CCDC17: variants seen among roughly 807,000 people sequenced by gnomAD.
The protein encoded by CCDC17 is coiled-coil domain containing 17.
CCDC17 carries 79 observed loss-of-function variants against 68.0 expected under a neutral mutation model. The observed-to-expected ratio is 1.16, with a 90% CI of 0.97 to 1.40. CCDC17 has a LOEUF of 1.40. Ranked by LOEUF, CCDC17 falls within the 40% of genes most tolerant of loss-of-function variation. The probability of loss-of-function intolerance (pLI) is 0.00; values close to 1 mark genes in which losing one functional copy is unlikely to be tolerated. For missense variants in CCDC17, 846 were observed against 811.5 expected (o/e 1.04, Z -0.52); for synonymous variants, 376 against 337.5 (o/e 1.11, Z -1.25).
chr1:45,622,148 A>G (rs1644287141), intron 7 of CCDC17, 93 bp downstream of exon 7: 1 of 1,340,868 alleles, frequency 7.5e-7, no homozygotes, highest in Non-Finnish European at 1.0e-6. Flanking sequence ...GGGAGTCACA[A>G]ACACGGGTCT....
Position 45,620,968 on chromosome 1 carries a change from G to C in CCDC17, c.1534C>G (p.Leu512Val). 6.2e-7 allele frequency: 1 copy of C among 1,613,826 alleles called. No homozygotes were observed. Among genetic ancestry groups the C allele is most frequent in the Middle Eastern group, 1.6e-4 (1 of 6,062 alleles). The change falls in exon 11 of 13, where the codon CTC (leucine) becomes GTC (valine). Residue 512 changes from leucine to valine, a missense_variant. Physicochemically the swap from Leu to Val is conservative, Grantham distance 32 (BLOSUM62 1). Coordinates refer to ENST00000528266, the MANE Select transcript of CCDC17 (RefSeq NM_001114938.3). ...DQRVLSGRWR[L>V]PLRALPLDPS... Reference sequence around the variant, plus strand: ...TCCAGAGGAAGGGCCCGAAGTGGGAGGCGCCAGCGGCCACTTAGCACCCGC... The same window carrying C: ...TCCAGAGGAAGGGCCCGAAGTGGGACGCGCCAGCGGCCACTTAGCACCCGC...
chr1:45,620,322 C>G lies in CCDC17; in HGVS notation c.1822G>C (p.Gly608Arg). The change falls in exon 13 of 13, where the codon GGT becomes CGT. Residue 608 changes from glycine (G) to arginine (R), a missense_variant. Transcript: ENST00000528266. ...TCAGAACTGTGGTGAGGGCCCAAAC[C>G]CTCATCTCTATCCTTGACTCCACTG... The part of the protein sequence containing the change: ...PLSGVKDRDE[G>R]LGPHHSSDLP... 6.2e-7 allele frequency: 1 copy of G among 1,609,782 alleles called. No homozygotes were observed.
chr1:45,623,921 C>T lies in CCDC17; in HGVS notation c.-12G>A, dbSNP rs1275887662. 3.4e-6 allele frequency: 5 copies of T among 1,487,810 alleles called. No homozygotes were observed. The Admixed American group carries it at 7.5e-5, about 22-fold the overall frequency. 92.2% of individuals were successfully genotyped at this position (1,487,810 alleles called of 1,614,324 possible). On this transcript the variant is annotated 5_prime_UTR_variant, in exon 1 of 13. Transcript: ENST00000528266. ...GAGTGGGAGTCCATGGGATGGGACC[C>T]GTTTCCTGAAACCAGCCAAGACCTG... is the stretch of plus-strand genomic sequence containing the variant.
rs1463362763 is a variant in CCDC17, at chr1:45,621,229, G to A, written c.1388+52C>T. 3.9e-6 allele frequency: 6 copies of A among 1,542,610 alleles called. No individual in the cohort carries two copies. The African/African-American group carries it at 8.2e-5, about 21-fold the overall frequency. On this transcript the variant is annotated intron_variant, in intron 10 of 12. Transcript: ENST00000528266. ...GATGAGAAAACTTAGCAGAATGGTGGATAAGCCTCAACTGTGGCAGAGTAC... is the reference window on the plus strand; with the variant it reads ...GATGAGAAAACTTAGCAGAATGGTGAATAAGCCTCAACTGTGGCAGAGTAC...
At position 45,621,196 on chromosome 1, in the gene CCDC17, T is replaced by C. The variant is rs184559988; in HGVS notation, c.1389-83A>G. 276 of 1,550,888 alleles carry C rather than the reference T, an allele frequency of 1.8e-4. 3 individuals are homozygous for C. The East Asian group carries it at 5.8e-3, about 33-fold the overall frequency. Reference sequence around the variant, plus strand: ...TTAGCCCTTTAGAGCCAGCGGCCTCTGTATACAGATGAGAAAACTTAGCAG... The same window carrying C: ...TTAGCCCTTTAGAGCCAGCGGCCTCCGTATACAGATGAGAAAACTTAGCAG... On this transcript the variant is annotated intron_variant, in intron 10 of 12. Transcript: ENST00000528266.
chr1:45,622,705 CT>C lies in CCDC17; in HGVS notation c.741-39del, dbSNP rs1272038228. 4 of 1,557,726 alleles carry C rather than the reference CT, an allele frequency of 2.6e-6. No individual in the cohort carries two copies. The Admixed American group carries it at 7.7e-5, about 30-fold the overall frequency. On this transcript the variant is annotated intron_variant, in intron 5 of 12. Transcript: ENST00000528266. ...GAACAGGAAGGCCGTCTTTCCAGAA[CT>C]GCTCAGCGCTTCGCCCTATGCCCAT... is the stretch of plus-strand genomic sequence containing the variant.
In CCDC17 at chr1:45,621,989, TG is replaced by T. The variant is rs1284738899; in HGVS notation, c.973del (p.Gln325ArgfsTer45). The T allele has an allele frequency of 2.5e-6, 4 of 1,605,542 alleles. No individual in the cohort carries two copies. The highest frequency in any genetic ancestry group is 2.7e-5 in the African/African-American group (2 of 74,736). Reference sequence around the variant, plus strand: ...GGCATCCCCCAGGAGTCGCAGATCCTGGGGCCCTAGGAGCAGAAGAGTTAGG... The same window carrying T: ...GGCATCCCCCAGGAGTCGCAGATCCTGGGCCCTAGGAGCAGAAGAGTTAGG... ...MQRGRAPLGP[Q>X]DLRLLGDASL... On this transcript the variant is annotated frameshift_variant, in exon 8 of 13. Coordinates refer to ENST00000528266, the MANE Select transcript of CCDC17 (RefSeq NM_001114938.3). LOFTEE classifies it high-confidence loss of function.
At position 45,623,287 on chromosome 1, in the gene CCDC17, C is replaced by G; in HGVS notation, c.423G>C (p.Leu141=). Residue 141 remains leucine (L), a synonymous_variant, in exon 3 of 13, where the codon CTG becomes CTC. Transcript: ENST00000528266. ...VGSPSERLRA[L]FRTRARRVAE... is the part of the protein sequence containing the mutation. ...CCACGCGCCTCGCGCGAGTCCTGAA[C>G]AGCGCCCGCAGCCGCTCGCTGGGGC... 1 of 1,548,540 alleles carries G rather than the reference C, an allele frequency of 6.5e-7. No homozygotes were observed. The highest frequency in any genetic ancestry group is 1.2e-5 in the South Asian group (1 of 84,024).
In CCDC17 at chr1:45,623,649, C is replaced by T. The variant is rs1644361153; in HGVS notation, c.178G>A (p.Val60Met). 2 of 1,551,618 alleles carry T rather than the reference C, an allele frequency of 1.3e-6. No homozygotes were observed. The highest frequency in any genetic ancestry group is 1.7e-6 in the Non-Finnish European group (2 of 1,147,000). The change falls in exon 2 of 13, where the codon GTG becomes ATG. Residue 60 changes from valine to methionine, a missense_variant. Val to Met is a conservative substitution (Grantham distance 21, BLOSUM62 1). Transcript: ENST00000528266. Reference protein sequence around the residue: ...VATEPQRAAVVPQEHQGVPQE... With the variant: ...VATEPQRAAVMPQEHQGVPQE... ...GGCACGCCCTGGTGTTCTTGTGGCACAACCTGGGGATAGGGTGTAGTAGGA... is the reference window on the plus strand; with the variant it reads ...GGCACGCCCTGGTGTTCTTGTGGCATAACCTGGGGATAGGGTGTAGTAGGA...
Position 45,621,919 on chromosome 1 carries a change from T to C in CCDC17, c.1044A>G (p.Pro348=), listed in dbSNP as rs771003058. The C allele has an allele frequency of 3.1e-6, 5 of 1,607,098 alleles. No homozygotes were observed. In the African/African-American group the frequency reaches 6.8e-5, roughly 22 times the overall value. Residue 348 remains proline (P), a synonymous_variant, in exon 8 of 13, where the codon CCA becomes CCG. Transcript: ENST00000528266. The part of the protein sequence containing the change: ...KGRRDPPLLP[P]PVAPPLPPLP... ...GTGGTGGCAGCGGTGGTGCCACCGG[T>C]GGCGGGAGGAGTGGGGGATCTCTCC...
Position 45,623,815 on chromosome 1 carries a change from C to G in CCDC17, c.95G>C (p.Arg32Pro). The stretch of plus-strand genomic sequence containing the variant: ...TTGGGTCGGGTGGCCAATGCAGAAG[C>G]GCTGAGTATGGGTGGCTAACAGAGC... ...SSALLATHTQ[R>P]FCIGHPTQEM... The change falls in exon 1 of 13, where the codon CGC becomes CCC. Residue 32 changes from arginine (R) to proline (P), a missense_variant. Arg to Pro is a moderately radical substitution (Grantham distance 103). Coordinates refer to ENST00000528266, the MANE Select transcript of CCDC17 (RefSeq NM_001114938.3). The G allele has an allele frequency of 6.4e-7, 1 of 1,551,616 alleles. No individual in the cohort carries two copies. The highest frequency in any genetic ancestry group is 1.2e-5 in the South Asian group (1 of 84,056).
chr1:45,620,758 G>T lies in CCDC17; in HGVS notation c.1675C>A (p.Pro559Thr). 6.2e-7 allele frequency: 1 copy of T among 1,609,974 alleles called. No individual in the cohort carries two copies. The highest frequency in any genetic ancestry group is 8.5e-7 in the Non-Finnish European group (1 of 1,178,116). The change falls in exon 12 of 13, where the codon CCA (proline) becomes ACA (threonine). Residue 559 changes from proline to threonine, a missense_variant. Coordinates refer to ENST00000528266, the MANE Select transcript of CCDC17 (RefSeq NM_001114938.3). ...AAVQTLAEIN[P>T]ASVHEYQYPP... is the part of the protein sequence containing the mutation. The stretch of plus-strand genomic sequence containing the variant: ...TACTGGTACTCATGGACACTTGCTG[G>T]ATTGATCTCTGCCAGTGTCTGTACA...
chr1:45,620,315 C>T lies in CCDC17; in HGVS notation c.1829G>A (p.Gly610Asp). The change falls in exon 13 of 13, where the codon GGC becomes GAC. Residue 610 changes from glycine (G) to aspartate (D), a missense_variant. By Grantham distance (94) the Gly-to-Asp change is moderately conservative (BLOSUM62 -1). Coordinates refer to ENST00000528266, the MANE Select transcript of CCDC17 (RefSeq NM_001114938.3). ...GGGCAAGTCAGAACTGTGGTGAGGG[C>T]CCAAACCCTCATCTCTATCCTTGAC... is the stretch of plus-strand genomic sequence containing the variant. ...SGVKDRDEGLGPHHSSDLPPV... is the reference protein window; with the variant it reads ...SGVKDRDEGLDPHHSSDLPPV... 1 of 1,609,170 alleles carries T rather than the reference C, an allele frequency of 6.2e-7. No homozygotes were observed. Among genetic ancestry groups the T allele is most frequent in the Non-Finnish European group, 8.5e-7 (1 of 1,178,524 alleles).
chr1:45,623,164 C>A, intron 3 of CCDC17, 47 bp from the exon 4 acceptor site: 1 of 1,538,702 alleles, frequency 6.5e-7, no homozygotes, highest in Non-Finnish European at 8.8e-7. Flanking sequence ...CAAGCTTAAG[C>A]CAAACGGCGA....
chr1:45,620,329 T>C lies in CCDC17; in HGVS notation c.1815A>G (p.Arg605=), dbSNP rs200069968. The change falls in exon 13 of 13, where the codon AGA becomes AGG. Residue 605 remains arginine, a synonymous_variant. Transcript: ENST00000528266. ...TGTGGTGAGGGCCCAAACCCTCATC[T>C]CTATCCTTGACTCCACTGAGGGGCT... ...TEEPLSGVKD[R]DEGLGPHHSS... 209 of 1,609,492 alleles carry C rather than the reference T, an allele frequency of 1.3e-4. No individual in the cohort carries two copies. Among genetic ancestry groups the C allele is most frequent in the Non-Finnish European group, 1.7e-4 (198 of 1,178,590 alleles).
In CCDC17 at chr1:45,621,904, CGGTGGTGCCACCGGTGGCGGGAGG is replaced by C; in HGVS notation, c.1035_1058del (p.Pro349_Pro356del). ...CCGAGAAGCCTGGAAGTGGTGGCAG[CGGTGGTGCCACCGGTGGCGGGAGG>C]AGTGGGGGATCTCTCCTCCCCTTCG... On this transcript the variant is annotated inframe_deletion, in exon 8 of 13. Transcript: ENST00000528266. 6.2e-7 allele frequency: 1 copy of C among 1,607,202 alleles called. No individual in the cohort carries two copies. Among genetic ancestry groups the C allele is most frequent in the Non-Finnish European group, 8.5e-7 (1 of 1,176,960 alleles).
In CCDC17 at chr1:45,622,541, C is replaced by T. The variant is rs1254611053; in HGVS notation, c.859+8G>A. On this transcript the variant is annotated splice_region_variant and intron_variant, in intron 6 of 12. Coordinates refer to ENST00000528266, the MANE Select transcript of CCDC17 (RefSeq NM_001114938.3). The stretch of plus-strand genomic sequence containing the variant: ...TGACCACCGCTGGCGAGAGGCCCTC[C>T]TGTTCACCTCTGCGGGTCTGCGACC... 12 of 1,551,208 alleles carry T rather than the reference C, an allele frequency of 7.7e-6. No individual in the cohort carries two copies. In the South Asian group the frequency reaches 1.3e-4, roughly 17 times the overall value.
At chr1:45,621,155 A>G (rs764521098) in intron 10 of CCDC17, 42 bp from the exon 11 acceptor site, 1 of 1,597,480 alleles carries the variant, frequency 6.3e-7, no homozygotes, top group Non-Finnish European at 8.5e-7. Context: ...CCAGAGCTAC[A>G]GTCCCTTTCT....
chr1:45,622,575 T>C lies in CCDC17; in HGVS notation c.833A>G (p.Glu278Gly), dbSNP rs1235639625. Residue 278 changes from glutamate (E) to glycine (G), a missense_variant, in exon 6 of 13, where the codon GAG (glutamate) becomes GGG (glycine). Physicochemically the swap from Glu to Gly is moderately conservative, Grantham distance 98 (BLOSUM62 -2). Coordinates refer to ENST00000528266, the MANE Select transcript of CCDC17 (RefSeq NM_001114938.3). ...WQLQVEASAL[E>G]LQRSQTRRGR... ...TCTGCGGGTCTGCGACCGCTGCAGC[T>C]CCAGTGCAGACGCCTCCACCTGCAA... 6.4e-7 allele frequency: 1 copy of C among 1,552,826 alleles called. No individual in the cohort carries two copies. The highest frequency in any genetic ancestry group is 2.4e-5 in the East Asian group (1 of 40,964).
Sources: gnomAD v4.1 joint callset for allele counts on GRCh38, gnomAD v4.1.1 for gene constraint, MANE v1.5 for transcripts, NCBI Gene and HGNC (gene_info 2026-07-23, HGNC 2026-07-21) for gene names.